The following MAP2 variants were observed in gnomAD, a reference collection of about 807,000 sequenced individuals.
The protein encoded by MAP2 is microtubule-associated protein 2.
Under a neutral mutation model 137.6 loss-of-function variants are expected in MAP2, and 14 were observed. That is an observed-to-expected ratio of 0.10 (90% CI 0.07 to 0.16). The LOEUF (loss-of-function observed/expected upper bound fraction) is 0.16. Ranked by LOEUF, MAP2 falls within the 10% of genes least tolerant of loss-of-function variation. The pLI is 1.00. For synonymous variants in MAP2, 786 were observed against 782.3 expected (o/e 1.00, Z -0.08); for missense variants, 2,088 against 2,191.5 (o/e 0.95, Z 0.94).
At chr2:209,592,234 A>G (rs546580852) in intron 3 of MAP2, among the ~76,000 whole-genome samples, 60 of 152,222 alleles carry the variant, frequency 3.9e-4, no homozygotes, top group Non-Finnish European at 7.2e-4. Flanking sequence ...GCTACAATGT[A>G]CTCTGTCATT....
intron 7 of MAP2, among the ~76,000 whole-genome samples, chr2:209,688,321 G>T (rs1355397042): frequency 1.3e-5 from 2 of 152,048 alleles, no homozygotes; most frequent in African/African-American, 4.8e-5. Context: ...AACCAAAGAA[G>T]ATGACTCTGA....
intron 4 of MAP2, among the ~76,000 whole-genome samples, chr2:209,643,844 G>A (rs1383770255): frequency 2.6e-5 from 4 of 152,160 alleles, no homozygotes; most frequent in African/African-American, 4.8e-5. Context: ...CATCATAAAT[G>A]TTCTGGACAA....
Position 209,692,943 on chromosome 2 carries a change from C to G in MAP2, c.773C>G (p.Thr258Ser). Reference sequence around the variant, plus strand: ...ATTGACCTCCCTAAAGAGCCTCCAACTCCAAAAGAACAAAAGGACTGGTTC... The same window carrying G: ...ATTGACCTCCCTAAAGAGCCTCCAAGTCCAAAAGAACAAAAGGACTGGTTC... The part of the protein sequence containing the change: ...PGIDLPKEPP[T>S]PKEQKDWFIE... The change falls in exon 8 of 16, where the codon ACT becomes AGT. Residue 258 changes from threonine (T) to serine (S), a missense_variant. Thr to Ser is a moderately conservative substitution (Grantham distance 58). This residue lies in a region of MAP2 where 859 missense variants were observed against 794.5 expected (regional missense o/e 1.08). Transcript: ENST00000682079. 6.2e-7 allele frequency: 1 copy of G among 1,614,074 alleles called. No homozygotes were observed. The highest frequency in any genetic ancestry group is 8.5e-7 in the Non-Finnish European group (1 of 1,179,978).
chr2:209,453,366 T>A (rs989256582), intron 1 of MAP2, among the ~76,000 whole-genome samples: 5 of 152,242 alleles, frequency 3.3e-5, no homozygotes, highest in African/African-American at 1.2e-4. Context: ...CATTCCTGCA[T>A]AAGTTGAATT....
chr2:209,475,226 A>G lies in MAP2; in HGVS notation c.-221-32366A>G, dbSNP rs143756217. Among the ~76,000 whole-genome samples, 896 of 152,218 alleles carry G rather than the reference A, an allele frequency of 5.9e-3. 3 individuals carry two copies. Among genetic ancestry groups the G allele is most frequent in the Non-Finnish European group, 9.2e-3 (626 of 67,930 alleles). On this transcript the variant is annotated intron_variant, in intron 1 of 15. Coordinates refer to ENST00000682079, the MANE Select transcript of MAP2 (RefSeq NM_001375505.1). ...CACGTACACAAATCACAAGTCAGTG[A>G]ATGTAAAACCATCTTCTGATCAGTT...
rs772479619 is a variant in MAP2 at position 209,696,622 on chromosome 2, T to C, written c.4261T>C (p.Ser1421Pro). The change falls in exon 9 of 16, where the codon TCT (serine) becomes CCT (proline). Residue 1421 changes from serine to proline, a missense_variant. This residue lies in a region of MAP2 where 591 missense variants were observed against 642.6 expected (regional missense o/e 0.92). Transcript: ENST00000682079. ...EKAEKEARRS[S>P]LEKHRKEKPF... ...AGCTGAAAAGGAAGCTCGGAGATCA[T>C]CTCTTGAGAAACATAGAAAAGAAAA... 5 of 1,613,624 alleles carry C rather than the reference T, an allele frequency of 3.1e-6. No individual in the cohort carries two copies. Among genetic ancestry groups the C allele is most frequent in the Admixed American group, 1.7e-5 (1 of 59,964 alleles).
In MAP2 at chr2:209,430,563, A is replaced by C. The variant is rs546020167; in HGVS notation, c.-222+6287A>C. On this transcript the variant is annotated intron_variant, in intron 1 of 15. Transcript: ENST00000682079. ...TGAAATCAAATTAGATTAATATTAA[A>C]GTATTGCTGTATTTTTCTGTTTGGA... Among the ~76,000 whole-genome samples the C allele has an allele frequency of 3.3e-5, 5 of 152,298 alleles. No individual in the cohort carries two copies. In the East Asian group the frequency reaches 7.7e-4, roughly 23 times the overall value.
intron 2 of MAP2, among the ~76,000 whole-genome samples, chr2:209,553,018 G>GTT (rs539544337): frequency 0.02 from 2,901 of 145,796 alleles, 90 homozygotes; most frequent in African/African-American, 0.068. Context: ...TTTTGTTGTT[G>GTT]TTTTTTTTTT....
intron 3 of MAP2, among the ~76,000 whole-genome samples, chr2:209,617,245 G>C (rs1036259296): frequency 6.6e-5 from 10 of 152,082 alleles, no homozygotes; most frequent in Non-Finnish European, 1.2e-4. Flanking sequence ...GAAAGAAACT[G>C]CTTCCTAGGC....
chr2:209,549,809 A>G lies in MAP2; in HGVS notation c.-171-30227A>G, dbSNP rs573522777. Among the ~76,000 whole-genome samples the G allele has an allele frequency of 1.3e-4, 20 of 152,314 alleles. No homozygotes were observed. In the South Asian group the frequency reaches 3.9e-3, roughly 30 times the overall value. ...TAGCAATCACTTTGCGGTAATGGAT[A>G]TTGGTTTGTGGCACATCCGTTCTGG... On this transcript the variant is annotated intron_variant, in intron 2 of 15. Coordinates refer to ENST00000682079, the MANE Select transcript of MAP2 (RefSeq NM_001375505.1).
intron 3 of MAP2, among the ~76,000 whole-genome samples, chr2:209,614,808 G>T (rs1050042458): frequency 6.6e-6 from 1 of 152,144 alleles, no homozygotes; most frequent in African/African-American, 2.4e-5. Context: ...CTAATTAAGT[G>T]ATCATGCATT....
intron 1 of MAP2, among the ~76,000 whole-genome samples, chr2:209,435,812 G>A (rs1328308247): frequency 1.3e-5 from 2 of 150,352 alleles, no homozygotes; most frequent in Non-Finnish European, 3.0e-5. Flanking sequence ...TAAAGAATGG[G>A]ATTGTGTGAT....
chr2:209,676,770 T>C (rs2051910740), intron 5 of MAP2, among the ~76,000 whole-genome samples: 1 of 119,546 alleles, frequency 8.4e-6, no homozygotes, highest in Non-Finnish European at 1.7e-5. Context: ...TATATATATA[T>C]ATCTCCCAAT....
intron 3 of MAP2, among the ~76,000 whole-genome samples, chr2:209,589,667 T>G (rs2078724168): frequency 6.6e-6 from 1 of 152,148 alleles, no homozygotes; most frequent in Non-Finnish European, 1.5e-5. Context: ...AAGCTAAATA[T>G]ATCACAGAAA....
intron 2 of MAP2, among the ~76,000 whole-genome samples, chr2:209,529,847 C>G (rs576797832): frequency 1.3e-5 from 2 of 152,220 alleles, no homozygotes; most frequent in Admixed American, 6.5e-5. Context: ...CTGCTGAAGT[C>G]ATTTGTTATA....
intron 1 of MAP2, among the ~76,000 whole-genome samples, chr2:209,495,103 C>T (rs113380213): frequency 0.018 from 2,707 of 152,324 alleles, 83 homozygotes; most frequent in African/African-American, 0.062. Context: ...AGCACAGTGC[C>T]GTAAGCTGCT....
intron 1 of MAP2, among the ~76,000 whole-genome samples, chr2:209,463,416 G>T (rs2149617395): frequency 6.6e-6 from 1 of 152,154 alleles, no homozygotes; most frequent in South Asian, 2.1e-4. Context: ...TTTAGGTAAG[G>T]TCTGACTTCT....
chr2:209,581,661 T>C (rs374985705), intron 3 of MAP2, among the ~76,000 whole-genome samples: 3 of 152,190 alleles, frequency 2.0e-5, no homozygotes, highest in Admixed American at 6.6e-5. Flanking sequence ...TGAAGATCTA[T>C]TTCCTAATCT....
intron 2 of MAP2, among the ~76,000 whole-genome samples, chr2:209,541,739 T>C (rs1020224883): frequency 6.6e-6 from 1 of 152,212 alleles, no homozygotes; most frequent in African/African-American, 2.4e-5. Context: ...TTTGTTAAGG[T>C]TTTCTTATGA....
Sources: gnomAD v4.1 joint callset for allele counts (sites outside exome capture counted in the v4.1 genomes callset) on GRCh38, gnomAD v4.1.1 for gene constraint, gnomAD v4.1.1 regional missense constraint, MANE v1.5 for transcripts, NCBI Gene and HGNC (gene_info 2026-07-23, HGNC 2026-07-21) for gene names.